The following DLGAP2 variants were observed in gnomAD, a reference collection of about 807,000 sequenced individuals.
DLGAP2 encodes disks large-associated protein 2.
A neutral mutation model predicts 100.3 loss-of-function variants in DLGAP2; 26 were observed. The ratio of observed to expected loss-of-function variants is 0.26; its 90% CI spans 0.19 to 0.36. The LOEUF is 0.36. Among genes scored for constraint, DLGAP2 ranks in the 10% least tolerant of loss-of-function variants. The pLI, the probability that DLGAP2 is intolerant of heterozygous loss-of-function variation, is 1.00. For synonymous variants in DLGAP2, 886 were observed against 630.1 expected (o/e 1.41, Z -6.08); for missense variants, 1,858 against 1,453.2 (o/e 1.28, Z -4.53).
chr8:1,176,050 A>G (rs1416767210), intron 2 of DLGAP2, among the ~76,000 whole-genome samples: 1 of 152,198 alleles, frequency 6.6e-6, no homozygotes, highest in African/African-American at 2.4e-5. Context: ...CCATTCATAC[A>G]CTGCATAAAA....
chr8:1,488,808 C>A (rs189478670), intron 3 of DLGAP2, among the ~76,000 whole-genome samples: 1 of 152,292 alleles, frequency 6.6e-6, no homozygotes, highest in East Asian at 1.9e-4. Context: ...CAGTCAGTGA[C>A]TATGATGTCC....
At chr8:1,110,609 T>G (rs1224008537) in intron 2 of DLGAP2, among the ~76,000 whole-genome samples, 24 of 152,012 alleles carry the variant, frequency 1.6e-4, no homozygotes, top group Admixed American at 1.6e-3. Context: ...ATCTGGCATG[T>G]GAGAGATCCA....
intron 8 of DLGAP2, among the ~76,000 whole-genome samples, chr8:1,640,503 C>T (rs899225049): frequency 1.3e-5 from 2 of 152,174 alleles, no homozygotes; most frequent in Non-Finnish European, 2.9e-5. Context: ...CCCAGCCGCT[C>T]AGGATGTCTC....
chr8:1,116,529 C>A (rs534124407), intron 2 of DLGAP2, among the ~76,000 whole-genome samples: 6 of 152,090 alleles, frequency 3.9e-5, no homozygotes, highest in Non-Finnish European at 8.8e-5. Context: ...TTGAAAATAT[C>A]CAGTAATTAC....
chr8:1,444,764 G>T (rs971709260), intron 3 of DLGAP2, among the ~76,000 whole-genome samples: 1 of 147,212 alleles, frequency 6.8e-6, no homozygotes, highest in East Asian at 2.0e-4. Context: ...CTTTGAGCCA[G>T]GTCATTCTTT....
At chr8:1,055,481 G>A (rs1563167674) in intron 2 of DLGAP2, among the ~76,000 whole-genome samples, 1 of 152,154 alleles carries the variant, frequency 6.6e-6, no homozygotes, top group Non-Finnish European at 1.5e-5. Flanking sequence ...GTTAGGATGA[G>A]ATAAAATATT....
intron 2 of DLGAP2, among the ~76,000 whole-genome samples, chr8:925,697 G>A (rs1012770086): frequency 6.6e-6 from 1 of 152,096 alleles, no homozygotes; most frequent in African/African-American, 2.4e-5. Context: ...ATCTCATCAT[G>A]TATATCTGTG....
chr8:958,376 A>G (rs1185797471), intron 2 of DLGAP2, among the ~76,000 whole-genome samples: 1 of 152,150 alleles, frequency 6.6e-6, no homozygotes. Flanking sequence ...GTATGCGTGC[A>G]GGTCCCAGTC....
At chr8:1,052,463 C>T (rs982244112) in intron 2 of DLGAP2, among the ~76,000 whole-genome samples, 16 of 152,074 alleles carry the variant, frequency 1.1e-4, no homozygotes, top group Non-Finnish European at 1.6e-4. Context: ...TGCTGTAAGG[C>T]GTGGAAAAGG....
intron 2 of DLGAP2, among the ~76,000 whole-genome samples, chr8:1,009,384 C>T (rs1047218874): frequency 2.0e-5 from 3 of 152,158 alleles, no homozygotes; most frequent in Non-Finnish European, 4.4e-5. Flanking sequence ...ACCTAAGGAA[C>T]ACATAATAGA....
At chr8:749,588 A>T (rs1820740966) in intron 1 of DLGAP2, among the ~76,000 whole-genome samples, 1 of 152,158 alleles carries the variant, frequency 6.6e-6, no homozygotes, top group African/African-American at 2.4e-5. Flanking sequence ...CTATTGTTTG[A>T]CATTTCAGTT....
At chr8:1,295,554 C>G (rs1021590454) in intron 3 of DLGAP2, among the ~76,000 whole-genome samples, 1 of 152,210 alleles carries the variant, frequency 6.6e-6, no homozygotes, top group Non-Finnish European at 1.5e-5. Context: ...GGAAGGGGCT[C>G]TGGTCAGCCC....
chr8:894,111 C>T (rs529360765), intron 1 of DLGAP2, among the ~76,000 whole-genome samples: 35 of 152,298 alleles, frequency 2.3e-4, no homozygotes, highest in African/African-American at 6.3e-4. Flanking sequence ...GAGCAGTGTG[C>T]GTCTCCCTCT....
chr8:884,210 T>TGTCA (rs1403229883), intron 1 of DLGAP2, among the ~76,000 whole-genome samples: 2 of 152,194 alleles, frequency 1.3e-5, no homozygotes, highest in African/African-American at 2.4e-5. Context: ...CTTGAGGAAT[T>TGTCA]GTCATACTGT....
intron 6 of DLGAP2, among the ~76,000 whole-genome samples, chr8:1,607,123 C>A (rs1796826839): frequency 6.6e-6 from 1 of 152,162 alleles, no homozygotes; most frequent in Non-Finnish European, 1.5e-5. Flanking sequence ...GGCTGTACTA[C>A]ATATAATATT....
At chr8:1,036,991 T>C (rs1311137591) in intron 2 of DLGAP2, among the ~76,000 whole-genome samples, 1 of 152,082 alleles carries the variant, frequency 6.6e-6, no homozygotes, top group Non-Finnish European at 1.5e-5. Context: ...CCGTGGAGCC[T>C]CCTGAGCCAG....
chr8:1,242,166 G>A (rs1798811063), intron 2 of DLGAP2, among the ~76,000 whole-genome samples: 1 of 152,160 alleles, frequency 6.6e-6, no homozygotes, highest in Admixed American at 6.5e-5. Flanking sequence ...TAATTAACAC[G>A]AAGACACTAA....
At chr8:774,513 A>G (rs2132613529) in intron 1 of DLGAP2, among the ~76,000 whole-genome samples, 1 of 150,922 alleles carries the variant, frequency 6.6e-6, no homozygotes, top group African/African-American at 2.4e-5. Flanking sequence ...TCCATCTTGA[A>G]TTGATTTTTG....
rs191616206 is a variant in DLGAP2, at chr8:1,355,580, G to T, written c.106+96697G>T. Among the ~76,000 whole-genome samples, 24 of 152,258 alleles carry T rather than the reference G, an allele frequency of 1.6e-4. No individual in the cohort carries two copies. In the East Asian group the frequency reaches 3.9e-3, roughly 25 times the overall value. The stretch of plus-strand genomic sequence containing the variant: ...GGGTTTCTCCATGTTGGTCAGGCTG[G>T]TCTTGAACTCCTGACCTCATGATCC... On this transcript the variant is annotated intron_variant, in intron 3 of 14. Transcript: ENST00000637795.
Sources: allele counts gnomAD v4.1 joint callset (sites outside exome capture counted in the v4.1 genomes callset), GRCh38; gene constraint gnomAD v4.1.1; transcripts MANE v1.5; gene names NCBI Gene and HGNC (gene_info 2026-07-23, HGNC 2026-07-21).